Variants in PTPRT observed in about 807,000 individuals in gnomAD.
The protein encoded by PTPRT is receptor-type tyrosine-protein phosphatase T.
A neutral mutation model predicts 176.8 loss-of-function variants in PTPRT; 56 were observed. The observed-to-expected ratio is 0.32, with a 90% CI of 0.26 to 0.40. The LOEUF (loss-of-function observed/expected upper bound fraction) is 0.40, where lower values mean the gene tolerates loss of function less well. Ranked by LOEUF, PTPRT falls within the 10% of genes least tolerant of loss-of-function variation. The pLI, the probability that PTPRT is intolerant of heterozygous loss-of-function variation, is 1.00. For synonymous variants in PTPRT, 783 were observed against 739.0 expected (o/e 1.06, Z -0.96); for missense variants, 1,540 against 1,908.2 (o/e 0.81, Z 3.60).
At chr20:42,668,213 A>G (rs1397729627) in intron 7 of PTPRT, among the ~76,000 whole-genome samples, 3 of 152,228 alleles carry the variant, frequency 2.0e-5, no homozygotes, top group Non-Finnish European at 4.4e-5. Flanking sequence ...ATTGCACTTC[A>G]TCTTCTAGGA....
chr20:43,179,461 T>C (rs1021592413), intron 1 of PTPRT, among the ~76,000 whole-genome samples: 2 of 152,236 alleles, frequency 1.3e-5, no homozygotes, highest in Non-Finnish European at 2.9e-5. Flanking sequence ...AATTATATCA[T>C]AGCCCTAATC....
At chr20:43,154,646 C>T (rs1175251373) in intron 1 of PTPRT, among the ~76,000 whole-genome samples, 3 of 152,148 alleles carry the variant, frequency 2.0e-5, no homozygotes, top group Non-Finnish European at 4.4e-5. Context: ...AGGAGAAAAG[C>T]TCCATGACAT....
intron 7 of PTPRT, among the ~76,000 whole-genome samples, chr20:42,541,673 C>T (rs1003492855): frequency 6.6e-6 from 1 of 150,912 alleles, no homozygotes; most frequent in Non-Finnish European, 1.5e-5. Context: ...AGCAAATAAT[C>T]AAAAGTTTAA....
chr20:42,748,747 C>T (rs1332006464), intron 6 of PTPRT, among the ~76,000 whole-genome samples: 1 of 152,056 alleles, frequency 6.6e-6, no homozygotes, highest in Admixed American at 6.6e-5. Flanking sequence ...GACAGTAAAG[C>T]CAGAAAATTA....
chr20:42,628,367 G>A (rs142810602), intron 7 of PTPRT, among the ~76,000 whole-genome samples: 9 of 152,166 alleles, frequency 5.9e-5, no homozygotes, highest in African/African-American at 1.7e-4. Context: ...TCTATTCCAC[G>A]TGACAAAACA....
intron 9 of PTPRT, among the ~76,000 whole-genome samples, chr20:42,379,779 A>G (rs2058682616): frequency 6.6e-6 from 1 of 152,246 alleles, no homozygotes; most frequent in African/African-American, 2.4e-5. Context: ...ATCAGTGTGC[A>G]GAACTCAACA....
At chr20:43,157,895 T>C (rs1278566929) in intron 1 of PTPRT, among the ~76,000 whole-genome samples, 1 of 152,148 alleles carries the variant, frequency 6.6e-6, no homozygotes, top group Non-Finnish European at 1.5e-5. Context: ...TCATGGGCCC[T>C]TCCAAGTTTT....
chr20:42,511,449 T>C (rs1057043801), intron 7 of PTPRT, among the ~76,000 whole-genome samples: 46 of 151,792 alleles, frequency 3.0e-4, no homozygotes, highest in Non-Finnish European at 1.2e-4. Flanking sequence ...TTTTGTCTTA[T>C]TTGGAGTTGA....
chr20:42,560,256 T>C (rs2072930272), intron 7 of PTPRT, among the ~76,000 whole-genome samples: 1 of 152,250 alleles, frequency 6.6e-6, no homozygotes, highest in Admixed American at 6.5e-5. Flanking sequence ...CAATAGGAGG[T>C]ACAGGCATGG....
At chr20:42,224,725 C>T (rs1445825870) in intron 15 of PTPRT, among the ~76,000 whole-genome samples, 1 of 152,212 alleles carries the variant, frequency 6.6e-6, no homozygotes, top group Non-Finnish European at 1.5e-5. Context: ...TCTTTATAGA[C>T]TGTGGCTTGG....
At chr20:43,109,089 C>G (rs146947696) in intron 1 of PTPRT, among the ~76,000 whole-genome samples, 5 of 152,012 alleles carry the variant, frequency 3.3e-5, no homozygotes, top group Non-Finnish European at 7.4e-5. Flanking sequence ...TTTTTTTCCC[C>G]GCTTTCCCTT....
At chr20:43,120,775 A>G (rs1053517692) in intron 1 of PTPRT, among the ~76,000 whole-genome samples, 1 of 152,144 alleles carries the variant, frequency 6.6e-6, no homozygotes, top group Admixed American at 6.5e-5. Flanking sequence ...GCTTCCTTCA[A>G]TCAAGCTTTT....
At chr20:42,900,565 G>A (rs1329435659) in intron 1 of PTPRT, among the ~76,000 whole-genome samples, 1 of 152,142 alleles carries the variant, frequency 6.6e-6, no homozygotes, top group Non-Finnish European at 1.5e-5. Flanking sequence ...AGCATCAAAA[G>A]TGGTAATGCC....
intron 11 of PTPRT, among the ~76,000 whole-genome samples, chr20:42,317,823 C>A (rs542411904): frequency 3.3e-5 from 5 of 152,160 alleles, no homozygotes; most frequent in Admixed American, 6.5e-5. Flanking sequence ...GAGTATATGC[C>A]ACACTTAGAT....
At chr20:42,518,852 A>G in intron 7 of PTPRT, among the ~76,000 whole-genome samples, 1 of 152,184 alleles carries the variant, frequency 6.6e-6, no homozygotes, top group East Asian at 1.9e-4. Context: ...AAGAAAATAA[A>G]TCTTGCTTTC....
At position 43,181,543 on chromosome 20, in the gene PTPRT, T is replaced by C. The variant is rs1288783495; in HGVS notation, c.88+8103A>G. Among the ~76,000 whole-genome samples the C allele has an allele frequency of 3.3e-5, 5 of 152,158 alleles. No homozygotes were observed. In the East Asian group the frequency reaches 9.6e-4, roughly 29 times the overall value. ...TCTCAGTAATACTCACTGAAACACATAATATGGCAATGTGGCAAAATTCTT... is the reference window on the plus strand; with the variant it reads ...TCTCAGTAATACTCACTGAAACACACAATATGGCAATGTGGCAAAATTCTT... On this transcript the variant is annotated intron_variant, in intron 1 of 30. Coordinates refer to ENST00000373187, the MANE Select transcript of PTPRT (RefSeq NM_007050.6).
intron 9 of PTPRT, among the ~76,000 whole-genome samples, chr20:42,425,494 C>T (rs73271533): frequency 2.1e-3 from 315 of 152,144 alleles, no homozygotes; most frequent in African/African-American, 7.3e-3. Flanking sequence ...AGATCTTGGT[C>T]AATGGATGCA....
At chr20:42,180,935 T>C (rs1008732962) in intron 16 of PTPRT, among the ~76,000 whole-genome samples, 6 of 152,166 alleles carry the variant, frequency 3.9e-5, no homozygotes, top group African/African-American at 1.4e-4. Flanking sequence ...TATGTGACCT[T>C]GAGCAAGTTA....
intron 15 of PTPRT, among the ~76,000 whole-genome samples, chr20:42,232,167 T>C (rs1454382912): frequency 6.6e-6 from 1 of 152,166 alleles, no homozygotes; most frequent in African/African-American, 2.4e-5. Context: ...TCCACAAATA[T>C]TGGTGGAATG....
Sources: allele counts gnomAD v4.1 joint callset (sites outside exome capture counted in the v4.1 genomes callset), GRCh38; gene constraint gnomAD v4.1.1; transcripts MANE v1.5; gene names NCBI Gene and HGNC (gene_info 2026-07-23, HGNC 2026-07-21).